The following STK39 variants were observed in gnomAD, a reference collection of about 807,000 sequenced individuals.
The protein encoded by STK39 is STE20/SPS1-related proline-alanine-rich protein kinase.
A neutral mutation model predicts 77.8 loss-of-function variants in STK39; 20 were observed. The ratio of observed to expected loss-of-function variants is 0.26; its 90% CI spans 0.18 to 0.37. The LOEUF is 0.37. Among genes scored for constraint, STK39 ranks in the 10% least tolerant of loss-of-function variants. The pLI is 1.00. For missense variants in STK39, 479 were observed against 656.5 expected (o/e 0.73, Z 2.95); for synonymous variants, 246 against 234.1 (o/e 1.05, Z -0.47).
chr2:168,011,852 T>C (rs1684279069), intron 16 of STK39, among the ~76,000 whole-genome samples: 2 of 152,222 alleles, frequency 1.3e-5, no homozygotes. Flanking sequence ...TTTCCTTATC[T>C]ATACAGTGAA....
chr2:168,009,862 T>C (rs963063874), intron 16 of STK39, among the ~76,000 whole-genome samples: 2 of 152,266 alleles, frequency 1.3e-5, no homozygotes, highest in African/African-American at 4.8e-5. Flanking sequence ...TTTATGGTTA[T>C]ATATTGTATT....
chr2:168,207,233 T>G (rs1303238041), intron 1 of STK39, among the ~76,000 whole-genome samples: 1 of 152,272 alleles, frequency 6.6e-6, no homozygotes, highest in Non-Finnish European at 1.5e-5. Flanking sequence ...TTATTATTTC[T>G]TTAATTCTCC....
At chr2:168,216,061 T>C (rs895679726) in intron 1 of STK39, among the ~76,000 whole-genome samples, 1 of 152,122 alleles carries the variant, frequency 6.6e-6, no homozygotes, top group Admixed American at 6.5e-5. Context: ...ATCTTTCATG[T>C]ATTGGGTAAA....
At chr2:168,051,285 C>T (rs781528025) in intron 14 of STK39, among the ~76,000 whole-genome samples, 26 of 152,272 alleles carry the variant, frequency 1.7e-4, no homozygotes, top group East Asian at 1.4e-3. Flanking sequence ...ATGAGGGAGA[C>T]AGGCTCTGCA....
chr2:168,130,745 T>C (rs1687673989), intron 8 of STK39, among the ~76,000 whole-genome samples: 1 of 152,244 alleles, frequency 6.6e-6, no homozygotes, highest in Admixed American at 6.5e-5. Context: ...CTTCCTTGTT[T>C]ACTGACTGAC....
At chr2:168,160,785 T>C (rs554494860) in intron 5 of STK39, among the ~76,000 whole-genome samples, 75 of 152,216 alleles carry the variant, frequency 4.9e-4, no homozygotes, top group African/African-American at 1.6e-3. Context: ...GTCTCTTAGC[T>C]GTTACTTGTT....
chr2:168,136,754 C>T (rs1687852307), intron 8 of STK39, among the ~76,000 whole-genome samples: 1 of 152,028 alleles, frequency 6.6e-6, no homozygotes, highest in Non-Finnish European at 1.5e-5. Context: ...TGTTGGAAAA[C>T]AAAATTAGAA....
intron 10 of STK39, among the ~76,000 whole-genome samples, chr2:168,096,493 T>A (rs990753621): frequency 6.6e-6 from 1 of 152,196 alleles, no homozygotes; most frequent in Non-Finnish European, 1.5e-5. Context: ...CAACAATTGC[T>A]GATTTGTACT....
intron 1 of STK39, among the ~76,000 whole-genome samples, chr2:168,193,265 G>A (rs1689383589): frequency 6.6e-6 from 1 of 152,168 alleles, no homozygotes; most frequent in South Asian, 2.1e-4. Flanking sequence ...AATACAGGAA[G>A]TCAGGTCACC....
intron 10 of STK39, among the ~76,000 whole-genome samples, chr2:168,103,656 AC>A (rs1214738687): frequency 2.6e-5 from 4 of 152,222 alleles, no homozygotes; most frequent in African/African-American, 9.6e-5. Context: ...TATCTCTTTA[AC>A]ATTTTTTTTC....
rs191420271 is a variant in STK39, at chr2:168,048,337, T to C, written c.1376+15163A>G. On this transcript the variant is annotated intron_variant, in intron 14 of 17. Coordinates refer to ENST00000355999, the MANE Select transcript of STK39 (RefSeq NM_013233.3). ...ATGCCATTCTCCTGCCTCAGCCTCC[T>C]GAGTAGCTGGGACTACAGGCAACCG... 7.1e-3 allele frequency among the ~76,000 whole-genome samples: 1,086 copies of C among 151,906 alleles called. 11 individuals are homozygous for C. The highest frequency in any genetic ancestry group is 0.025 in the African/African-American group (1,031 of 41,432).
chr2:168,060,630 G>A (rs1685641097), intron 14 of STK39, among the ~76,000 whole-genome samples: 1 of 152,162 alleles, frequency 6.6e-6, no homozygotes, highest in African/African-American at 2.4e-5. Flanking sequence ...CTGAAAATAA[G>A]TCATACTAAA....
chr2:168,095,073 A>G (rs978182546), intron 10 of STK39, among the ~76,000 whole-genome samples: 2 of 151,956 alleles, frequency 1.3e-5, no homozygotes, highest in Admixed American at 1.3e-4. Flanking sequence ...ACAGACCCCC[A>G]TCACCTCAGG....
In STK39 at chr2:168,176,327, G is replaced by GA. The variant is rs59510633; in HGVS notation, c.321+5650dup. ...CCTTAAACCTCAATTAAAAGGAAGA[G>GA]AAAAAAAAAACCTTCTGACTGGAGG... On this transcript the variant is annotated intron_variant, in intron 2 of 17. Transcript: ENST00000355999. Among the ~76,000 whole-genome samples, 32 of 148,502 alleles carry GA rather than the reference G, an allele frequency of 2.2e-4. No homozygotes were observed. In the South Asian group the frequency reaches 2.8e-3, roughly 13 times the overall value.
intron 1 of STK39, among the ~76,000 whole-genome samples, chr2:168,220,601 GT>G (rs1279608216): frequency 1.3e-5 from 2 of 152,120 alleles, no homozygotes; most frequent in Non-Finnish European, 2.9e-5. Flanking sequence ...GACATGTATA[GT>G]CAACGCCAAA....
chr2:168,031,633 G>A (rs1228488414), intron 14 of STK39, among the ~76,000 whole-genome samples: 2 of 152,188 alleles, frequency 1.3e-5, no homozygotes, highest in Non-Finnish European at 2.9e-5. Context: ...GTCGTTATAA[G>A]AAGAGATTAG....
chr2:168,046,173 C>T (rs190323233), intron 14 of STK39, among the ~76,000 whole-genome samples: 1 of 152,192 alleles, frequency 6.6e-6, no homozygotes, highest in Admixed American at 6.5e-5. Flanking sequence ...CGAGACCATC[C>T]TGGCCAACAT....
chr2:168,094,743 T>C (rs1437444486), intron 10 of STK39, among the ~76,000 whole-genome samples: 1 of 152,150 alleles, frequency 6.6e-6, no homozygotes, highest in Non-Finnish European at 1.5e-5. Context: ...CTCTCTGTCA[T>C]GTCCTCTGTG....
rs570424883 is a variant in STK39, at chr2:168,028,852, T to G, written c.1377-11757A>C. Among the ~76,000 whole-genome samples the G allele has an allele frequency of 2.6e-5, 4 of 152,342 alleles. No homozygotes were observed. In the South Asian group the frequency reaches 8.3e-4, roughly 32 times the overall value. On this transcript the variant is annotated intron_variant, in intron 14 of 17. Coordinates refer to ENST00000355999, the MANE Select transcript of STK39 (RefSeq NM_013233.3). ...TCTAACAGGAATGTAAAGGCATCTA[T>G]AAGACATGAACCTAATATGTGTCCA...
Sources: allele counts gnomAD v4.1 joint callset (sites outside exome capture counted in the v4.1 genomes callset), GRCh38; gene constraint gnomAD v4.1.1; transcripts MANE v1.5; gene names NCBI Gene and HGNC (gene_info 2026-07-23, HGNC 2026-07-21).